Variants in MRPL41 observed in about 807,000 individuals in gnomAD.
MRPL41 encodes mitochondrial ribosomal protein L41.
MRPL41 carries 2 observed loss-of-function variants against 3.3 expected under a neutral mutation model. The ratio of observed to expected loss-of-function variants is 0.60; its 90% CI spans 0.25 to 1.90. The LOEUF (loss-of-function observed/expected upper bound fraction) is 1.90. MRPL41 is among the 40% of genes most tolerant of loss of function. The pLI is 0.16. For synonymous variants in MRPL41, 93 were observed against 85.7 expected (o/e 1.08, Z -0.47); for missense variants, 161 against 192.2 (o/e 0.84, Z 0.96).
rs776523428 is a variant in MRPL41, at chr9:137,552,218, C to A, written c.137C>A (p.Ser46Ter). 42 of 1,567,016 alleles carry A rather than the reference C, an allele frequency of 2.7e-5. No individual in the cohort carries two copies. The highest frequency in any genetic ancestry group is 3.5e-5 in the Non-Finnish European group (41 of 1,158,058). Residue 46 changes from serine to a stop codon, truncating the protein, a stop_gained, in exon 2 of 2, where the codon TCG becomes TAG. Coordinates refer to ENST00000371443, the MANE Select transcript of MRPL41 (RefSeq NM_032477.3). LOFTEE classifies it low-confidence loss of function (END_TRUNC). ...GCCAAGGGCATCGGCTTCCTCACCTCGGGCTGGAGGTTCGTGCAGATCAAG... is the reference window on the plus strand; with the variant it reads ...GCCAAGGGCATCGGCTTCCTCACCTAGGGCTGGAGGTTCGTGCAGATCAAG... ...RGAKGIGFLT[S>*]GWRFVQIKEM...
chr9:137,552,381 C>A lies in MRPL41; in HGVS notation c.300C>A (p.Ile100=). 6.2e-7 allele frequency: 1 copy of A among 1,611,142 alleles called. No homozygotes were observed. The highest frequency in any genetic ancestry group is 8.5e-7 in the Non-Finnish European group (1 of 1,179,124). The part of the protein sequence containing the change: ...QLFSEAVAPA[I]EKDFKDGTFD... ...TCAGCGAAGCCGTGGCGCCTGCCAT[C>A]GAAAAGGACTTCAAGGACGGTACCT... The change falls in exon 2 of 2, where the codon ATC becomes ATA. Residue 100 remains isoleucine (I), a synonymous_variant. Transcript: ENST00000371443.
Position 137,552,544 on chromosome 9 carries a change from C to G in MRPL41, c.*49C>G. The stretch of plus-strand genomic sequence containing the variant: ...CCCTCATCTCATTTCTATTAAACGC[C>G]TTTGCCAGCTATACGGTGTTTGTTT... On this transcript the variant is annotated 3_prime_UTR_variant, in exon 2 of 2. Transcript: ENST00000371443. 1 of 1,477,850 alleles carries G rather than the reference C, an allele frequency of 6.8e-7. No individual in the cohort carries two copies. Among genetic ancestry groups the G allele is most frequent in the Non-Finnish European group, 9.0e-7 (1 of 1,109,586 alleles). 91.5% of individuals were successfully genotyped at this position (1,477,850 alleles called of 1,614,324 possible). A position where few individuals can be genotyped will look rare whatever the true frequency, so the allele number is the denominator to read the frequency against.
Position 137,551,976 on chromosome 9 carries a change from C to A in MRPL41, c.-11C>A. 1.1e-6 allele frequency: 1 copy of A among 948,994 alleles called. No individual in the cohort carries two copies. Among genetic ancestry groups the A allele is most frequent in the Non-Finnish European group, 1.4e-6 (1 of 730,644 alleles). 58.8% of individuals were successfully genotyped at this position (948,994 alleles called of 1,614,324 possible). ...TGGAGCTCGTGTGGGGTCTCCGGTCCAGGTGAGTCTGTCGGATTGGGGCGG... is the reference window on the plus strand; with the variant it reads ...TGGAGCTCGTGTGGGGTCTCCGGTCAAGGTGAGTCTGTCGGATTGGGGCGG... On this transcript the variant is annotated splice_region_variant and 5_prime_UTR_variant, in exon 1 of 2. Transcript: ENST00000371443.
chr9:137,552,300 C>G lies in MRPL41; in HGVS notation c.219C>G (p.Tyr73Ter). 6.2e-7 allele frequency: 1 copy of G among 1,606,638 alleles called. No homozygotes were observed. The highest frequency in any genetic ancestry group is 8.5e-7 in the Non-Finnish European group (1 of 1,176,658). ...TGACCGGCTTCAAGCTCAAGCCCTACGTGAGCTACCTCGCCCCTGAGAGCG... is the reference window on the plus strand; with the variant it reads ...TGACCGGCTTCAAGCTCAAGCCCTAGGTGAGCTACCTCGCCCCTGAGAGCG... The part of the protein sequence containing the change: ...PDLTGFKLKP[Y>*]VSYLAPESEE... The change falls in exon 2 of 2, where the codon TAC becomes TAG. Residue 73 changes from tyrosine to a stop codon, truncating the protein, a stop_gained. Transcript: ENST00000371443. LOFTEE classifies it low-confidence loss of function (END_TRUNC).
At position 137,552,055 on chromosome 9, in the gene MRPL41, C is replaced by A; in HGVS notation, c.-8-19C>A. ...GCCGGGTTCCCGGGGCCGCGACTACCCGCTCTCTCCTCCCGCAGGGCGCGG... is the reference window on the plus strand; with the variant it reads ...GCCGGGTTCCCGGGGCCGCGACTACACGCTCTCTCCTCCCGCAGGGCGCGG... On this transcript the variant is annotated intron_variant, in intron 1 of 1. Transcript: ENST00000371443. 1 of 1,295,728 alleles carries A rather than the reference C, an allele frequency of 7.7e-7. No homozygotes were observed. Among genetic ancestry groups the A allele is most frequent in the Non-Finnish European group, 9.8e-7 (1 of 1,023,752 alleles). The allele number at this position is 1,295,728 out of a possible 1,614,324, so 80.3% of individuals were successfully genotyped here.
Position 137,552,187 on chromosome 9 carries a change from CGGGGCGCCAAGG to C in MRPL41, c.108_119del (p.Gly37_Gly40del). ...GCGCAGCTTCAGGGGCCGCAAGGGC[CGGGGCGCCAAGG>C]GCATCGGCTTCCTCACCTCGGGCTG... On this transcript the variant is annotated inframe_deletion, in exon 2 of 2. Coordinates refer to ENST00000371443, the MANE Select transcript of MRPL41 (RefSeq NM_032477.3). 1 of 1,555,922 alleles carries C rather than the reference CGGGGCGCCAAGG, an allele frequency of 6.4e-7. No individual in the cohort carries two copies. Among genetic ancestry groups the C allele is most frequent in the Non-Finnish European group, 8.7e-7 (1 of 1,153,052 alleles).
Sources: allele counts gnomAD v4.1 joint callset, GRCh38; gene constraint gnomAD v4.1.1; transcripts MANE v1.5; gene names NCBI Gene and HGNC (gene_info 2026-07-23, HGNC 2026-07-21).